The following ITGAL variants were observed in gnomAD, a reference collection of about 807,000 sequenced individuals.
The protein encoded by ITGAL is integrin subunit alpha L, also known as integrin alpha-L.
In ITGAL, 68 loss-of-function variants were observed where a neutral mutation model predicts 138.4. The observed-to-expected ratio is 0.49, with a 90% CI of 0.40 to 0.60. The LOEUF is 0.60. Ranked by LOEUF, ITGAL falls within the 20% of genes least tolerant of loss-of-function variation. The pLI is 0.00. For missense variants in ITGAL, 1,256 were observed against 1,478.6 expected, an observed-to-expected ratio of 0.85 and a Z score of 2.47; for synonymous variants, 561 against 584.3, an observed-to-expected ratio of 0.96 and a Z score of 0.57.
chr16:30,506,636 T>C, intron 20 of ITGAL, 79 bp from the exon 21 acceptor site: 1 of 944,300 alleles, frequency 1.1e-6, no homozygotes, highest in Non-Finnish European at 1.5e-6. Flanking sequence ...TATTTCTTTC[T>C]GGCCCACCAG....
chr16:30,490,502 G>T (rs1471284830), intron 11 of ITGAL, among the ~76,000 whole-genome samples: 7 of 152,150 alleles, frequency 4.6e-5, no homozygotes, highest in African/African-American at 1.7e-4. Context: ...TCTGGGCCAT[G>T]CTCTTCCCTG....
chr16:30,506,907 C>A, intron 21 of ITGAL, 51 bp downstream of exon 21: 3 of 1,600,436 alleles, frequency 1.9e-6, no homozygotes, highest in South Asian at 1.1e-5. Flanking sequence ...GCAGACACTG[C>A]CCCCTTCTTT....
At chr16:30,510,326 T>A in intron 21 of ITGAL, 35 bp from the exon 22 acceptor site, 2 of 1,305,684 alleles carry the variant, frequency 1.5e-6, no homozygotes, top group South Asian at 2.4e-5. Flanking sequence ...TTGGCCTTGC[T>A]CATTAACAAA....
At chr16:30,512,018 A>G (rs532886796) in intron 24 of ITGAL, among the ~76,000 whole-genome samples, 1 of 152,362 alleles carries the variant, frequency 6.6e-6, no homozygotes, top group East Asian at 1.9e-4. Flanking sequence ...CAGAGAGGAT[A>G]CAAGGAGGTT....
intron 24 of ITGAL, among the ~76,000 whole-genome samples, chr16:30,513,012 TGAACATCAA>T: frequency 6.6e-6 from 1 of 152,356 alleles, no homozygotes; most frequent in East Asian, 1.9e-4. Flanking sequence ...CCAGTGCTTT[TGAACATCAA>T]TGCCACACAG....
chr16:30,517,821 C>T lies in ITGAL; in HGVS notation c.3058C>T (p.Arg1020Cys), dbSNP rs745308598. 13 of 1,614,032 alleles carry T rather than the reference C, an allele frequency of 8.1e-6. No homozygotes were observed. The highest frequency in any genetic ancestry group is 2.2e-5 in the East Asian group (1 of 44,894). Residue 1020 changes from arginine to cysteine, a missense_variant, in exon 28 of 31, where the codon CGC becomes TGC. Around this residue, in one of 3 missense-constraint regions of ITGAL, gnomAD observed 867 missense variants for 972.5 expected, o/e 0.89. Transcript: ENST00000356798. ...GCCTTGTCTCCCCGGAGCCCTGTTC[C>T]GCTGCCCTGTTGTCTTCAGGCAGGA... ...AEPCLPGALF[R>C]CPVVFRQEIL...
rs1169055291 is a variant in ITGAL, at chr16:30,507,457, CA to C, written c.2508+611del. On this transcript the variant is annotated intron_variant, in intron 21 of 30. Transcript: ENST00000356798. ...CCTGGGCGACAGCGAAACTCCGTCT[CA>C]AAAAAAAAACAAAAAAAAAAACAAA... 1.4e-3 allele frequency among the ~76,000 whole-genome samples: 72 copies of C among 52,546 alleles called. 1 individual carries two copies. The South Asian group carries it at 0.027, about 20-fold the overall frequency. The allele number at this position is 52,546 out of a possible 152,430, so 34.5% of individuals were successfully genotyped here.
intron 9 of ITGAL, among the ~76,000 whole-genome samples, chr16:30,487,771 T>A (rs1229426918): frequency 6.6e-6 from 1 of 150,702 alleles, no homozygotes; most frequent in African/African-American, 2.4e-5. Context: ...AGTGGTGCGA[T>A]CTTGGCTCAC....
intron 20 of ITGAL, among the ~76,000 whole-genome samples, chr16:30,505,918 A>G (rs114067236): frequency 0.014 from 2,129 of 152,182 alleles, 51 homozygotes; most frequent in African/African-American, 0.048. Context: ...CCCTCATGGA[A>G]CTCCTATCAG....
At chr16:30,493,332 T>C (rs2151155753) in intron 11 of ITGAL, among the ~76,000 whole-genome samples, 1 of 151,676 alleles carries the variant, frequency 6.6e-6, no homozygotes, top group African/African-American at 2.4e-5. Flanking sequence ...CGGGCTGGAG[T>C]GTAGTAGCGA....
chr16:30,508,508 C>G (rs1338011998), intron 21 of ITGAL, among the ~76,000 whole-genome samples: 1 of 152,186 alleles, frequency 6.6e-6, no homozygotes, highest in Admixed American at 6.6e-5. Flanking sequence ...CCACTGCACC[C>G]AACCGAATTA....
At chr16:30,481,123 G>A (rs1391646238) in intron 6 of ITGAL, 1 of 276,078 alleles carries the variant, frequency 3.6e-6, no homozygotes, top group Non-Finnish European at 6.8e-6. Context: ...CCAATATGGT[G>A]AAACACCGTC....
At chr16:30,500,534 A>AT (rs1323259914) in intron 17 of ITGAL, among the ~76,000 whole-genome samples, 1 of 151,326 alleles carries the variant, frequency 6.6e-6, no homozygotes. Context: ...TAGGTTTTTA[A>AT]TTTTTTTAAT....
rs759572740 is a variant in ITGAL, at chr16:30,519,906, A to G, written c.3278A>G (p.Tyr1093Cys). ...TATGAGAAGCAGATGCTCTACCTCT[A>G]CGTGCTGAGCGGCATCGGGGGGCTG... Reference protein sequence around the residue: ...VVYEKQMLYLYVLSGIGGLLL... With the variant: ...VVYEKQMLYLCVLSGIGGLLL... The change falls in exon 30 of 31, where the codon TAC (tyrosine) becomes TGC (cysteine). Residue 1093 changes from tyrosine to cysteine, a missense_variant. Tyr to Cys is a radical substitution (Grantham distance 194). This residue lies in a region of ITGAL where 867 missense variants were observed against 972.5 expected (regional missense o/e 0.89). Transcript: ENST00000356798. The G allele has an allele frequency of 4.3e-6, 7 of 1,613,978 alleles. No homozygotes were observed. Among genetic ancestry groups the G allele is most frequent in the East Asian group, 2.2e-5 (1 of 44,886 alleles).
intron 2 of ITGAL, 36 bp downstream of exon 2, chr16:30,474,334 C>A (rs769705182): frequency 2.7e-6 from 4 of 1,462,886 alleles, no homozygotes; most frequent in Non-Finnish European, 3.8e-6. Context: ...TCCTGATGCC[C>A]GCCCTGGGGC....
intron 17 of ITGAL, among the ~76,000 whole-genome samples, chr16:30,500,910 A>G (rs1172715488): frequency 1.3e-5 from 2 of 152,078 alleles, no homozygotes; most frequent in Non-Finnish European, 2.9e-5. Flanking sequence ...AGGCTGAGGC[A>G]GGAGAATTGC....
chr16:30,520,066 A>AAGAGCCAGGGGGCCTC (rs1246405374), intron 30 of ITGAL, 99 bp downstream of exon 30: 15 of 874,776 alleles, frequency 1.7e-5, no homozygotes, highest in Middle Eastern at 2.6e-4. Flanking sequence ...CAGAGGGCAT[A>AAGAGCCAGGGGGCCTC]AGAGCCAGGG....
intron 30 of ITGAL, among the ~76,000 whole-genome samples, chr16:30,520,487 T>C (rs1239740490): frequency 6.6e-6 from 1 of 152,108 alleles, no homozygotes; most frequent in African/African-American, 2.4e-5. Flanking sequence ...AGCCCATCCC[T>C]GGCAGAGCCA....
chr16:30,482,769 A>G (rs1219853667), intron 7 of ITGAL, among the ~76,000 whole-genome samples: 2 of 152,084 alleles, frequency 1.3e-5, no homozygotes, highest in African/African-American at 4.8e-5. Flanking sequence ...CTGTTCCAGC[A>G]AGAGCTATGG....
Sources: allele counts gnomAD v4.1 joint callset (sites outside exome capture counted in the v4.1 genomes callset), GRCh38; gene constraint gnomAD v4.1.1; regional missense constraint gnomAD v4.1.1; transcripts MANE v1.5; gene names NCBI Gene and HGNC (gene_info 2026-07-23, HGNC 2026-07-21).